Variants in ZFHX3 observed in about 807,000 individuals in gnomAD.
ZFHX3 encodes the protein zinc finger homeobox 3, also known as zinc finger homeobox protein 3.
A neutral mutation model predicts 279.1 loss-of-function variants in ZFHX3; 42 were observed. The observed-to-expected ratio is 0.15, with a 90% CI of 0.12 to 0.19. The LOEUF is 0.19. Among genes scored for constraint, ZFHX3 ranks in the 10% least tolerant of loss-of-function variants. ZFHX3 has a pLI of 1.00. For missense variants in ZFHX3, 4,981 were observed against 4,754.0 expected, an observed-to-expected ratio of 1.05 and a Z score of -1.40; for synonymous variants, 2,293 against 1,957.8, an observed-to-expected ratio of 1.17 and a Z score of -4.52.
chr16:72,792,118 T>G (rs1462594787), intron 9 of ZFHX3, among the ~76,000 whole-genome samples: 1 of 152,192 alleles, frequency 6.6e-6, no homozygotes, highest in African/African-American at 2.4e-5. Flanking sequence ...CAAAGATGGC[T>G]GGATCCAGAG....
intron 1 of ZFHX3, among the ~76,000 whole-genome samples, chr16:73,036,050 T>C (rs1964889173): frequency 6.6e-6 from 1 of 152,346 alleles, no homozygotes; most frequent in Admixed American, 6.5e-5. Context: ...TTCTGTAAAA[T>C]ATGCCCAGCA....
intron 2 of ZFHX3, among the ~76,000 whole-genome samples, chr16:73,597,507 A>C (rs1313479495): frequency 2.0e-5 from 3 of 152,232 alleles, no homozygotes; most frequent in African/African-American, 4.8e-5. Flanking sequence ...TTGAAGACGT[A>C]ATTAGTTAAG....
At chr16:73,401,291 C>G (rs2017245701) in intron 3 of ZFHX3, 1 of 151,856 alleles carries the variant, frequency 6.6e-6, no homozygotes, top group African/African-American at 2.4e-5. Context: ...GCCCAGTGTT[C>G]CCTTTTTCCC....
Position 73,273,871 on chromosome 16 carries a change from G to A in ZFHX3, c.-1193-16735C>T, listed in dbSNP as rs958181840. ...GTATTTAAATTTGTAGGCCGGATGC[G>A]GTGGCTCACGCCTGTAATCCCAGCA... On this transcript the variant is annotated intron_variant, in intron 4 of 17. Coordinates refer to the ZFHX3 transcript ENST00000641206. 5.3e-5 allele frequency among the ~76,000 whole-genome samples: 8 copies of A among 152,286 alleles called. No individual in the cohort carries two copies. In the South Asian group the frequency reaches 8.3e-4, roughly 16 times the overall value.
At chr16:73,276,373 G>A (rs11149835) in intron 4 of ZFHX3, among the ~76,000 whole-genome samples, 26,743 of 151,474 alleles carry the variant, frequency 0.18, 2,837 homozygotes, top group African/African-American at 0.3. Context: ...TAGTAGAGAC[G>A]GGGTTTCACC....
chr16:73,626,844 G>A (rs1041620558), intron 2 of ZFHX3, among the ~76,000 whole-genome samples: 34 of 152,142 alleles, frequency 2.2e-4, no homozygotes, highest in East Asian at 9.7e-4. Context: ...CTTTCTAGTC[G>A]TTTCATTTAA....
chr16:73,249,213 T>G (rs1021297734), intron 5 of ZFHX3, among the ~76,000 whole-genome samples: 28 of 152,238 alleles, frequency 1.8e-4, no homozygotes, highest in African/African-American at 6.8e-4. Flanking sequence ...AGTTAGTAAC[T>G]TGTTTGAAGA....
In ZFHX3 at chr16:72,950,884, A is replaced by G. The variant is rs1252616575; in HGVS notation, c.2801T>C (p.Phe934Ser). 6.2e-7 allele frequency: 1 copy of G among 1,613,876 alleles called. No individual in the cohort carries two copies. Among genetic ancestry groups the G allele is most frequent in the African/African-American group, 1.3e-5 (1 of 74,888 alleles). ...SEELMNLGESFIQTNDPSLKL... is the reference protein window; with the variant it reads ...SEELMNLGESSIQTNDPSLKL... ...CAGCGACGGGTCGTTGGTCTGGATGAAGCTCTCGCCCAGGTTCATCAGCTC... is the reference window on the plus strand; with the variant it reads ...CAGCGACGGGTCGTTGGTCTGGATGGAGCTCTCGCCCAGGTTCATCAGCTC... The change falls in exon 3 of 10, where the codon TTC becomes TCC. Residue 934 changes from phenylalanine (F) to serine (S), a missense_variant. Around this residue, in one of 7 missense-constraint regions of ZFHX3, gnomAD observed 1,751 missense variants for 1,770.0 expected, o/e 0.99. Transcript: ENST00000268489.
intron 1 of ZFHX3, among the ~76,000 whole-genome samples, chr16:73,773,238 C>A (rs912310747): frequency 5.3e-5 from 8 of 152,248 alleles, no homozygotes; most frequent in African/African-American, 1.9e-4. Context: ...TGGCACATTT[C>A]CACCATCACA....
chr16:73,159,689 G>A (rs1042577526), intron 5 of ZFHX3, among the ~76,000 whole-genome samples: 8 of 152,262 alleles, frequency 5.3e-5, no homozygotes, highest in South Asian at 2.1e-4. Flanking sequence ...GGGATACTTT[G>A]TTATTATGGC....
rs531681630 is a variant in ZFHX3, at chr16:73,496,846, C to T, written c.-1546-40588G>A. Among the ~76,000 whole-genome samples, 167 of 152,258 alleles carry T rather than the reference C, an allele frequency of 1.1e-3. 1 individual carries two copies. The highest frequency in any genetic ancestry group is 3.9e-3 in the African/African-American group (164 of 41,550). ...GAGCCAGGTAGGAGGCTTCCCCTCG[C>T]CTCCTCCCTCTGCGTTGGGTGGCCT... On this transcript the variant is annotated intron_variant, in intron 2 of 17. Coordinates refer to the ZFHX3 transcript ENST00000641206.
intron 4 of ZFHX3, among the ~76,000 whole-genome samples, chr16:73,300,140 GT>G (rs1388120767): frequency 2.0e-5 from 3 of 151,952 alleles, no homozygotes; most frequent in Non-Finnish European, 4.4e-5. Flanking sequence ...TGCACCTGTA[GT>G]CTCAGCTACT....
intron 2 of ZFHX3, among the ~76,000 whole-genome samples, chr16:73,505,765 GC>G (rs901933635): frequency 5.3e-5 from 8 of 152,180 alleles, no homozygotes; most frequent in Admixed American, 5.2e-4. Flanking sequence ...AGACTGTCCT[GC>G]CTGCCTTGAA....
chr16:73,343,098 A>G (rs1268878131), intron 3 of ZFHX3, among the ~76,000 whole-genome samples: 1 of 152,232 alleles, frequency 6.6e-6, no homozygotes, highest in Non-Finnish European at 1.5e-5. Context: ...AGAGCTAGGT[A>G]TCTAGTTTCT....
intron 2 of ZFHX3, among the ~76,000 whole-genome samples, chr16:73,527,815 T>G (rs1004586829): frequency 1.3e-5 from 2 of 152,144 alleles, no homozygotes; most frequent in Non-Finnish European, 2.9e-5. Context: ...AACTTGGAAA[T>G]GGATCCTCCC....
intron 6 of ZFHX3, among the ~76,000 whole-genome samples, chr16:73,141,514 C>T (rs1341612026): frequency 1.3e-5 from 2 of 151,934 alleles, no homozygotes; most frequent in African/African-American, 4.8e-5. Context: ...ACTCCCATCT[C>T]AGTCTCCCGA....
At chr16:73,878,308 C>T (rs998839802) in intron 1 of ZFHX3, among the ~76,000 whole-genome samples, 4 of 151,782 alleles carry the variant, frequency 2.6e-5, no homozygotes, top group Non-Finnish European at 4.4e-5. Context: ...TACATGAAAC[C>T]GAGAGGTGAT....
chr16:72,854,579 A>C, intron 4 of ZFHX3, among the ~76,000 whole-genome samples: 1 of 152,196 alleles, frequency 6.6e-6, no homozygotes. Context: ...TGGACAAATG[A>C]GAGCAAAAAG....
chr16:72,949,751 A>T (rs2144388901), intron 3 of ZFHX3, among the ~76,000 whole-genome samples: 1 of 140,452 alleles, frequency 7.1e-6, no homozygotes, highest in East Asian at 2.0e-4. Flanking sequence ...GAAGCAACAG[A>T]GCGGGGAAGA....
Sources: gnomAD v4.1 joint callset for allele counts (sites outside exome capture counted in the v4.1 genomes callset) on GRCh38, gnomAD v4.1.1 for gene constraint, gnomAD v4.1.1 regional missense constraint, MANE v1.5 for transcripts, NCBI Gene and HGNC (gene_info 2026-07-23, HGNC 2026-07-21) for gene names.